The following TJP2 variants were observed in gnomAD, a reference collection of about 807,000 sequenced individuals.
TJP2 encodes tight junction protein 2.
In TJP2, 91 loss-of-function variants were observed where a neutral mutation model predicts 133.1. The observed-to-expected ratio is 0.68, with a 90% CI of 0.58 to 0.81. TJP2 has a LOEUF of 0.81. Ranked by LOEUF, TJP2 falls within the 40% of genes least tolerant of loss-of-function variation. The pLI, the probability that TJP2 is intolerant of heterozygous loss-of-function variation, is 0.00. For missense variants in TJP2, 1,541 were observed against 1,565.6 expected (o/e 0.98, Z 0.26); for synonymous variants, 592 against 583.4 (o/e 1.01, Z -0.21).
At chr9:69,223,566 C>CG (rs1327257114) in intron 5 of TJP2, among the ~76,000 whole-genome samples, 3 of 152,202 alleles carry the variant, frequency 2.0e-5, no homozygotes, top group African/African-American at 4.8e-5. Context: ...CTCAGCCTCC[C>CG]GAAGTGCTGG....
At chr9:69,228,170 A>G in intron 9 of TJP2, 56 bp downstream of exon 9, 1 of 1,556,472 alleles carries the variant, frequency 6.4e-7, no homozygotes. Flanking sequence ...GTGTGCTCAC[A>G]CAGCCATAAC....
chr9:69,250,045 T>G (rs574988143), intron 20 of TJP2, among the ~76,000 whole-genome samples: 1 of 152,378 alleles, frequency 6.6e-6, no homozygotes, highest in Admixed American at 6.5e-5. Context: ...ATCAGAGCTG[T>G]GACTCTATGT....
intron 2 of TJP2, among the ~76,000 whole-genome samples, chr9:69,163,262 C>T (rs1824181642): frequency 2.2e-5 from 1 of 45,084 alleles, no homozygotes. Flanking sequence ...CTCCTGACCT[C>T]GTGATCCGCC....
chr9:69,243,363 T>C (rs1317746133), intron 17 of TJP2, among the ~76,000 whole-genome samples: 3 of 152,240 alleles, frequency 2.0e-5, no homozygotes, highest in Non-Finnish European at 4.4e-5. Flanking sequence ...TATTTAATTA[T>C]GACAATATGA....
intron 2 of TJP2, among the ~76,000 whole-genome samples, chr9:69,168,818 A>G (rs907943702): frequency 2.7e-4 from 40 of 148,404 alleles, no homozygotes; most frequent in African/African-American, 9.6e-4. Context: ...AAAAAAAAAG[A>G]AAAAAGAAAG....
rs749009273 is a variant in TJP2 at position 69,249,402 on chromosome 9, C to T, written c.2908C>T (p.Arg970Ter). 3.7e-6 allele frequency: 6 copies of T among 1,611,308 alleles called. No homozygotes were observed. The highest frequency in any genetic ancestry group is 2.7e-5 in the African/African-American group (2 of 74,882). Residue 970 changes from arginine (R) to a stop codon, truncating the protein, a stop_gained, in exon 20 of 23, where the codon CGA (arginine) becomes TGA (stop). Coordinates refer to ENST00000377245, the MANE Select transcript of TJP2 (RefSeq NM_004817.4). LOFTEE classifies it high-confidence loss of function. ...CATAAGGAAACCCAGCCCAGAGCCA[C>T]GAGCTCAGATGAGGAGGGCTGCTAG... ...ESIRKPSPEP[R>*]AQMRRAASSD... is the part of the protein sequence containing the mutation.
intron 2 of TJP2, among the ~76,000 whole-genome samples, chr9:69,168,752 G>T (rs534375826): frequency 1.3e-5 from 2 of 150,494 alleles, no homozygotes; most frequent in Admixed American, 1.3e-4. Context: ...CTAAGACGGC[G>T]CCATTGCACA....
In TJP2 at chr9:69,226,821, G is replaced by A. The variant is rs556422535; in HGVS notation, c.1210+646G>A. ...CTTAATTGCTCATTCTTTAAAAGTG[G>A]CTATTAATATCTCTAATAGAGAAGA... On this transcript the variant is annotated intron_variant, in intron 7 of 22. Coordinates refer to ENST00000377245, the MANE Select transcript of TJP2 (RefSeq NM_004817.4). Among the ~76,000 whole-genome samples the A allele has an allele frequency of 1.2e-4, 18 of 152,286 alleles. No homozygotes were observed. In the South Asian group the frequency reaches 3.3e-3, roughly 28 times the overall value.
At chr9:69,144,913 G>A in intron 1 of TJP2, among the ~76,000 whole-genome samples, 1 of 152,112 alleles carries the variant, frequency 6.6e-6, no homozygotes, top group East Asian at 1.9e-4. Flanking sequence ...CCCATTGAGT[G>A]GGCCACCATG....
At chr9:69,248,872 G>A in intron 19 of TJP2, 5 of 993,528 alleles carry the variant, frequency 5.0e-6, no homozygotes, top group Non-Finnish European at 4.8e-6. Context: ...TTTGAAGATG[G>A]GATTGTTCAT....
At chr9:69,201,949 G>T (rs981360345) in intron 1 of TJP2, among the ~76,000 whole-genome samples, 2 of 152,148 alleles carry the variant, frequency 1.3e-5, no homozygotes, top group African/African-American at 4.8e-5. Context: ...TGGTTGCCAG[G>T]AGCTGAGGGG....
chr9:69,228,567 T>C (rs936121881), intron 9 of TJP2, among the ~76,000 whole-genome samples: 2 of 152,202 alleles, frequency 1.3e-5, no homozygotes, highest in Non-Finnish European at 2.9e-5. Context: ...CATATATGTA[T>C]GCATGTGTGT....
At chr9:69,130,040 A>C (rs908410208) in intron 1 of TJP2, among the ~76,000 whole-genome samples, 3 of 151,240 alleles carry the variant, frequency 2.0e-5, no homozygotes, top group Non-Finnish European at 4.4e-5. Context: ...AAAGAAAAAG[A>C]AAAAAAAGAA....
At chr9:69,159,907 ATGTG>A (rs113780014) in intron 2 of TJP2, among the ~76,000 whole-genome samples, 1 of 142,852 alleles carries the variant, frequency 7.0e-6, no homozygotes, top group Non-Finnish European at 1.5e-5. Flanking sequence ...ATATATATAT[ATGTG>A]TGTGTGTGTG....
In TJP2 at chr9:69,133,561, T is replaced by C. The variant is rs1484736150; in HGVS notation, c.-131+11836T>C. 3.7e-3 allele frequency among the ~76,000 whole-genome samples: 547 copies of C among 147,138 alleles called. 8 individuals are homozygous for C. Among genetic ancestry groups the C allele is most frequent in the Non-Finnish European group, 6.0e-3 (398 of 66,770 alleles). Reference sequence around the variant, plus strand: ...ATTTTTCTGGCTTTTTTTTTTTTTTTTTTTTTTTGAGACAGGGTCTCGCTC... The same window carrying C: ...ATTTTTCTGGCTTTTTTTTTTTTTTCTTTTTTTTGAGACAGGGTCTCGCTC... On this transcript the variant is annotated intron_variant, in intron 1 of 5. Transcript: ENST00000423935.
In TJP2 at chr9:69,221,304, C is replaced by A; in HGVS notation, c.760C>A (p.His254Asn). 1 of 1,605,906 alleles carries A rather than the reference C, an allele frequency of 6.2e-7. No individual in the cohort carries two copies. The highest frequency in any genetic ancestry group is 8.5e-7 in the Non-Finnish European group (1 of 1,176,568). Residue 254 changes from histidine (H) to asparagine (N), a missense_variant, in exon 5 of 23, where the codon CAC becomes AAC. Transcript: ENST00000377245. ...TGACCAGGACTACGAGCGAGCCTATCACCGGGCCTACGACCCAGACTACGA... is the reference window on the plus strand; with the variant it reads ...TGACCAGGACTACGAGCGAGCCTATAACCGGGCCTACGACCCAGACTACGA... ...SIDQDYERAY[H>N]RAYDPDYERA...
At chr9:69,153,142 A>T (rs961574998) in intron 2 of TJP2, among the ~76,000 whole-genome samples, 1 of 151,912 alleles carries the variant, frequency 6.6e-6, no homozygotes, top group Non-Finnish European at 1.5e-5. Flanking sequence ...CTGAGGTGGG[A>T]GGATCGCTTG....
In TJP2 at chr9:69,216,430, T is replaced by C; in HGVS notation, c.206T>C (p.Val69Ala). The part of the protein sequence containing the change: ...NGETSIVISD[V>A]LPGGPADGLL... Reference sequence around the variant, plus strand: ...GAAACGTCAATTGTCATTTCTGATGTGCTCCCGGGTGGGCCTGCTGATGGG... The same window carrying C: ...GAAACGTCAATTGTCATTTCTGATGCGCTCCCGGGTGGGCCTGCTGATGGG... The change falls in exon 3 of 23, where the codon GTG becomes GCG. Residue 69 changes from valine (V) to alanine (A), a missense_variant. Val to Ala is a moderately conservative substitution (Grantham distance 64). Transcript: ENST00000377245. The C allele has an allele frequency of 6.2e-7, 1 of 1,614,196 alleles. No homozygotes were observed. The highest frequency in any genetic ancestry group is 8.5e-7 in the Non-Finnish European group (1 of 1,180,024).
intron 2 of TJP2, among the ~76,000 whole-genome samples, chr9:69,155,227 CAAAA>C (rs58935075): frequency 1.0e-4 from 10 of 98,762 alleles, no homozygotes; most frequent in Admixed American, 2.3e-4. Context: ...ACTCCATTTC[CAAAA>C]AAAAAAAAAA....
Sources: gnomAD v4.1 joint callset for allele counts (sites outside exome capture counted in the v4.1 genomes callset) on GRCh38, gnomAD v4.1.1 for gene constraint, MANE v1.5 for transcripts, NCBI Gene and HGNC (gene_info 2026-07-23, HGNC 2026-07-21) for gene names.